ECM2: variants seen among roughly 807,000 people sequenced by gnomAD.
ECM2 encodes extracellular matrix protein 2, female organ and adipocyte specific.
Under a neutral mutation model 67.5 loss-of-function variants are expected in ECM2, and 57 were observed. The observed-to-expected ratio is 0.84, with a 90% CI of 0.68 to 1.05. The LOEUF (loss-of-function observed/expected upper bound fraction) is 1.05, where lower values mean the gene tolerates loss of function less well. Ranked by LOEUF, ECM2 falls within the 50% of genes least tolerant of loss-of-function variation. The probability of loss-of-function intolerance (pLI) is 0.00; values close to 1 mark genes in which losing one functional copy is unlikely to be tolerated. For missense variants in ECM2, 741 were observed against 822.8 expected (o/e 0.90, Z 1.22); for synonymous variants, 258 against 294.5 (o/e 0.88, Z 1.27).
At chr9:92,553,787 T>C in the ECM2 span, among the ~76,000 whole-genome samples, 2 of 152,218 alleles carry the variant, frequency 1.3e-5, no homozygotes, top group Non-Finnish European at 2.9e-5. Context: ...CTTTGCTAAA[T>C]TCTTTGATCA....
chr9:92,501,394 C>T (rs1846667173), intron 8 of ECM2, among the ~76,000 whole-genome samples: 1 of 152,146 alleles, frequency 6.6e-6, no homozygotes, highest in Non-Finnish European at 1.5e-5. Flanking sequence ...AATGAAATCC[C>T]GTGAATCCCA....
At chr9:92,513,749 A>G (rs747520671) in intron 4 of ECM2, among the ~76,000 whole-genome samples, 24 of 152,354 alleles carry the variant, frequency 1.6e-4, no homozygotes, top group Non-Finnish European at 2.6e-4. Flanking sequence ...CAGAAAACAG[A>G]TCAGTGTTCT....
At chr9:92,512,866 G>T (rs1563977780) in intron 4 of ECM2, among the ~76,000 whole-genome samples, 1 of 152,126 alleles carries the variant, frequency 6.6e-6, no homozygotes, top group Non-Finnish European at 1.5e-5. Flanking sequence ...TCACAAATGG[G>T]GTTTTCTTAG....
At chr9:92,539,439 T>C (rs982757470), upstream of ECM2, among the ~76,000 whole-genome samples, 1 of 150,158 alleles carries the variant, frequency 6.7e-6, no homozygotes, top group Non-Finnish European at 1.5e-5. Context: ...TTTTATGGGT[T>C]TGAGTCCCAT....
At position 92,505,653 on chromosome 9, in the gene ECM2, G is replaced by A. The variant is rs746473060; in HGVS notation, c.1344C>T (p.Asn448=). 6.2e-7 allele frequency: 1 copy of A among 1,606,374 alleles called. No homozygotes were observed. The highest frequency in any genetic ancestry group is 1.7e-5 in the Admixed American group (1 of 58,096). ...GATTGACATTGGCTTCACTGAGATT[G>A]TTTCCTTCCAATTCTAAGGTGACCA... ...NQLVTLELEG[N]NLSEANVNPL... is the part of the protein sequence containing the mutation. The change falls in exon 7 of 10, where the codon AAC becomes AAT. Residue 448 remains asparagine (N), a synonymous_variant. Coordinates refer to ENST00000344604, the MANE Select transcript of ECM2 (RefSeq NM_001393.4).
chr9:92,520,273 A>G (rs895546677), intron 2 of ECM2, among the ~76,000 whole-genome samples: 7 of 151,632 alleles, frequency 4.6e-5, no homozygotes, highest in Non-Finnish European at 1.0e-4. Context: ...GCAGAGCAAG[A>G]CCCCATCTCT....
At position 92,515,138 on chromosome 9, in the gene ECM2, C is replaced by A. The variant is rs2131210390; in HGVS notation, c.547G>T (p.Glu183Ter). Residue 183 changes from glutamate (E) to a stop codon, truncating the protein, a stop_gained, in exon 4 of 10, where the codon GAA becomes TAA. Transcript: ENST00000344604. LOFTEE classifies it high-confidence loss of function. ...DRNEFSGDSS[E>*]QREPTNLLHK... ...AGTAAATTGGTAGGTTCTCTTTGTT[C>A]TGAAGAATCACCAGAAAATTCATTT... 6.2e-7 allele frequency: 1 copy of A among 1,611,328 alleles called. No homozygotes were observed. The highest frequency in any genetic ancestry group is 1.1e-5 in the South Asian group (1 of 90,308).
chr9:92,525,704 A>G (rs751054820), intron 1 of ECM2, among the ~76,000 whole-genome samples: 30 of 152,100 alleles, frequency 2.0e-4, no homozygotes, highest in Non-Finnish European at 3.4e-4. Context: ...CAGCCTGCCC[A>G]ACATGGTGAA....
chr9:92,551,944 TA>T, the ECM2 span, among the ~76,000 whole-genome samples: 26 of 129,918 alleles, frequency 2.0e-4, no homozygotes, highest in Middle Eastern at 4.2e-3. Context: ...TATATATATA[TA>T]TATATATGAT....
At chr9:92,553,680 G>A in the ECM2 span, among the ~76,000 whole-genome samples, 6 of 152,052 alleles carry the variant, frequency 3.9e-5, no homozygotes, top group Admixed American at 3.3e-4. Flanking sequence ...TGCAGTTATT[G>A]TAAAAGGGAT....
downstream of ECM2, among the ~76,000 whole-genome samples, chr9:92,495,038 A>T (rs1846284811): frequency 6.6e-6 from 1 of 152,216 alleles, no homozygotes; most frequent in African/African-American, 2.4e-5. Context: ...TAATAACTGC[A>T]TTCATCATCC....
chr9:92,532,729 T>C (rs1012400828), intron 1 of ECM2, among the ~76,000 whole-genome samples: 3 of 152,194 alleles, frequency 2.0e-5, no homozygotes, highest in African/African-American at 7.2e-5. Context: ...AATCTCATCT[T>C]TTATTTTTTT....
intron 2 of ECM2, among the ~76,000 whole-genome samples, chr9:92,520,000 T>C (rs1298180634): frequency 8.7e-6 from 1 of 115,280 alleles, no homozygotes; most frequent in Non-Finnish European, 1.7e-5. Flanking sequence ...GGGCAAAACT[T>C]GCCCAATACA....
chr9:92,526,777 TA>T (rs556343494), intron 1 of ECM2, among the ~76,000 whole-genome samples: 28 of 152,114 alleles, frequency 1.8e-4, no homozygotes, highest in South Asian at 8.3e-4. Flanking sequence ...ATTGAAGAAA[TA>T]AAAAAACTTT....
chr9:92,529,333 T>G (rs1848602668), intron 1 of ECM2, among the ~76,000 whole-genome samples: 1 of 152,186 alleles, frequency 6.6e-6, no homozygotes, highest in African/African-American at 2.4e-5. Context: ...GTGGAGCAAC[T>G]GTAAGTCTCA....
chr9:92,511,999 G>A lies in ECM2; in HGVS notation c.1170+12C>T. The A allele has an allele frequency of 1.3e-6, 2 of 1,580,962 alleles. No homozygotes were observed. Among genetic ancestry groups the A allele is most frequent in the Non-Finnish European group, 8.7e-7 (1 of 1,155,170 alleles). On this transcript the variant is annotated intron_variant, in intron 5 of 9. Coordinates refer to ENST00000344604, the MANE Select transcript of ECM2 (RefSeq NM_001393.4). ...CATTCATCCAAATAGACAAATCAGA[G>A]CATGTATTTACCTTGAATGCTTTTG...
the ECM2 span, among the ~76,000 whole-genome samples, chr9:92,557,018 T>TGGCTTAGTAGTGGC: frequency 6.6e-6 from 1 of 152,242 alleles, no homozygotes; most frequent in Non-Finnish European, 1.5e-5. Context: ...CTTGTAGTGG[T>TGGCTTAGTAGTGGC]GGCTTAGTAG....
chr9:92,549,480 G>A, the ECM2 span, among the ~76,000 whole-genome samples: 1 of 151,854 alleles, frequency 6.6e-6, no homozygotes. Context: ...AACACCGTCT[G>A]TACTAAAAAT....
At chr9:92,557,951 GC>G in the ECM2 span, among the ~76,000 whole-genome samples, 3 of 151,986 alleles carry the variant, frequency 2.0e-5, no homozygotes, top group Non-Finnish European at 4.4e-5. Context: ...CCTGCATTTC[GC>G]ATTTCTAAAA....
Sources: allele counts gnomAD v4.1 joint callset (sites outside exome capture counted in the v4.1 genomes callset), GRCh38; gene constraint gnomAD v4.1.1; transcripts MANE v1.5; gene names NCBI Gene and HGNC (gene_info 2026-07-23, HGNC 2026-07-21).